The following LPA variants were observed in gnomAD, a reference collection of about 807,000 sequenced individuals.
LPA encodes lipoprotein(a), also known as apolipoprotein(a).
Under a neutral mutation model 197.9 loss-of-function variants are expected in LPA, and 199 were observed. The ratio of observed to expected loss-of-function variants is 1.01; its 90% CI spans 0.90 to 1.13. The LOEUF is 1.13. LPA is among the 50% of genes most tolerant of loss of function. The probability of loss-of-function intolerance (pLI) is 0.00; values close to 1 mark genes in which losing one functional copy is unlikely to be tolerated. For missense variants in LPA, 1,853 were observed against 1,785.8 expected (o/e 1.04, Z -0.68); for synonymous variants, 715 against 639.5 (o/e 1.12, Z -1.78).
rs1778097601 is a variant in LPA at position 160,547,841 on chromosome 6, C to T, written c.5252G>A (p.Arg1751Lys). 6.2e-7 allele frequency: 1 copy of T among 1,614,028 alleles called. No individual in the cohort carries two copies. Among genetic ancestry groups the T allele is most frequent in the Non-Finnish European group, 8.5e-7 (1 of 1,180,028 alleles). The change falls in exon 32 of 39, where the codon AGA (arginine) becomes AAA (lysine). Residue 1751 changes from arginine to lysine, a missense_variant. Coordinates refer to ENST00000316300, the MANE Select transcript of LPA (RefSeq NM_005577.4). ...CQEWAAQEPHRHSTFIPGTNK... is the reference protein window; with the variant it reads ...CQEWAAQEPHKHSTFIPGTNK... Reference sequence around the variant, plus strand: ...TGTCCCTGGAATGAACGTGCTGTGTCTATGGGGCTCCTGGGCAGCCCATTC... The same window carrying T: ...TGTCCCTGGAATGAACGTGCTGTGTTTATGGGGCTCCTGGGCAGCCCATTC...
chr6:160,567,050 C>T (rs1214725697), intron 28 of LPA, among the ~76,000 whole-genome samples: 1 of 152,184 alleles, frequency 6.6e-6, no homozygotes, highest in Non-Finnish European at 1.5e-5. Context: ...TAATGGGAGA[C>T]TTTAACACCC....
At chr6:160,603,133 C>T (rs1207616617) in intron 18 of LPA, among the ~76,000 whole-genome samples, 2 of 151,428 alleles carry the variant, frequency 1.3e-5, no homozygotes, top group East Asian at 1.9e-4. Context: ...ATCTCTCCTT[C>T]CTCTCCTTCT....
Position 160,535,096 on chromosome 6 carries a change from A to G in LPA, c.5843-2447T>C, listed in dbSNP as rs943585695. Among the ~76,000 whole-genome samples, 7 of 137,522 alleles carry G rather than the reference A, an allele frequency of 5.1e-5. No individual in the cohort carries two copies. The East Asian group carries it at 1.5e-3, about 30-fold the overall frequency. 90.2% of individuals were successfully genotyped at this position (137,522 alleles called of 152,430 possible). ...CAGTGATCATTGTGATGATGGTGAT[A>G]GTGATCATGGTGGTGGTGATGATGG... On this transcript the variant is annotated intron_variant, in intron 37 of 38. Transcript: ENST00000316300.
intron 21 of LPA, 147 bp from the exon 22 acceptor site, chr6:160,594,264 A>C: frequency 2.2e-6 from 2 of 919,764 alleles, no homozygotes; most frequent in Non-Finnish European, 3.3e-6. Flanking sequence ...CATACCAATA[A>C]TAAAACCCAA....
chr6:160,576,389 T>G (rs9346822), intron 28 of LPA, among the ~76,000 whole-genome samples: 4 of 70,492 alleles, frequency 5.7e-5, no homozygotes, highest in African/African-American at 2.1e-4. Flanking sequence ...TATATATATA[T>G]GTATATATAT....
chr6:160,537,999 A>C, intron 36 of LPA, 38 bp from the exon 37 acceptor site: 1 of 1,575,170 alleles, frequency 6.3e-7, no homozygotes, highest in Non-Finnish European at 8.7e-7. Flanking sequence ...TTCACTGCCC[A>C]GCTGGAAGTG....
At position 160,583,598 on chromosome 6, in the gene LPA, T is replaced by C. The variant is rs181954094; in HGVS notation, c.4289+1448A>G. ...TCCCCAGCAGTTGTTCTTTCCCCAG[T>C]AGCTGTTCTTTGTTCTCCTTTCTCT... On this transcript the variant is annotated intron_variant, in intron 26 of 38. Transcript: ENST00000316300. Among the ~76,000 whole-genome samples the C allele has an allele frequency of 3.4e-3, 517 of 152,274 alleles. 1 individual carries two copies. Among genetic ancestry groups the C allele is most frequent in the Non-Finnish European group, 5.4e-3 (364 of 68,014 alleles).
chr6:160,652,768 C>A (rs1161693740), intron 1 of LPA, among the ~76,000 whole-genome samples: 2 of 152,012 alleles, frequency 1.3e-5, no homozygotes. Context: ...AATAGCACAA[C>A]ATTTTGAGAG....
intron 20 of LPA, among the ~76,000 whole-genome samples, chr6:160,598,002 T>C (rs1379245851): frequency 1.3e-5 from 2 of 152,220 alleles, no homozygotes; most frequent in East Asian, 3.8e-4. Context: ...TGCTAGGTTT[T>C]TTCTGGAGCT....
At chr6:160,602,046 G>A (rs147827658) in intron 18 of LPA, among the ~76,000 whole-genome samples, 156 of 152,214 alleles carry the variant, frequency 1.0e-3, no homozygotes, top group South Asian at 2.5e-3. Context: ...CCTCCCATTC[G>A]TGACCTGTGG....
chr6:160,538,806 G>C (rs528719590), intron 36 of LPA, among the ~76,000 whole-genome samples: 1 of 152,252 alleles, frequency 6.6e-6, no homozygotes, highest in South Asian at 2.1e-4. Context: ...GGGATGTGCG[G>C]TGGGAACTCT....
intron 29 of LPA, 128 bp downstream of exon 29, chr6:160,557,262 A>G (rs959621866): frequency 7.2e-5 from 83 of 1,148,388 alleles, no homozygotes; most frequent in Admixed American, 2.0e-4. Flanking sequence ...GAGAGTGCTG[A>G]GGCTTCTTTC....
chr6:160,602,040 C>T (rs1779251195), intron 18 of LPA, among the ~76,000 whole-genome samples: 1 of 152,098 alleles, frequency 6.6e-6, no homozygotes, highest in Admixed American at 6.6e-5. Context: ...CAGAATCCTC[C>T]CATTCGTGAC....
At chr6:160,591,850 C>T (rs1335405252) in intron 22 of LPA, among the ~76,000 whole-genome samples, 8 of 152,218 alleles carry the variant, frequency 5.3e-5, no homozygotes, top group Non-Finnish European at 8.8e-5. Flanking sequence ...CATCCCCTTT[C>T]CTTGTGTCTT....
chr6:160,661,274 C>G (rs1582907771), intron 1 of LPA, among the ~76,000 whole-genome samples: 1 of 152,296 alleles, frequency 6.6e-6, no homozygotes, highest in Admixed American at 6.5e-5. Context: ...GTGGTGGGGG[C>G]CACATGCAGA....
At position 160,542,792 on chromosome 6, in the gene LPA, A is replaced by G. The variant is rs775888851; in HGVS notation, c.5415T>C (p.Asp1805=). The change falls in exon 34 of 39, where the codon GAT becomes GAC. Residue 1805 remains aspartate (D), a synonymous_variant. Transcript: ENST00000316300. The part of the protein sequence containing the change: ...DIPLCASSSF[D]CGKPQVEPKK... ...TCGGCTCCACTTGAGGCTTCCCACA[A>G]TCAAATGAAGAGGATGCTGTGGCAC... 3.7e-6 allele frequency: 6 copies of G among 1,614,112 alleles called. No homozygotes were observed. The highest frequency in any genetic ancestry group is 5.1e-6 in the Non-Finnish European group (6 of 1,179,974).
At chr6:160,581,288 T>C (rs1477561034) in intron 26 of LPA, among the ~76,000 whole-genome samples, 5 of 152,154 alleles carry the variant, frequency 3.3e-5, no homozygotes, top group African/African-American at 1.2e-4. Flanking sequence ...CCCAATACTA[T>C]GTATTTTTTG....
chr6:160,601,142 A>G, intron 18 of LPA, 44 bp from the exon 19 acceptor site: 1 of 1,565,790 alleles, frequency 6.4e-7, no homozygotes, highest in South Asian at 1.1e-5. Flanking sequence ...ATGGGTACAT[A>G]TGCAGGAACA....
rs1554242208 is a variant in LPA at position 160,643,083 on chromosome 6, A to AGATTGTGT, written c.551+1763_551+1764insACACAATC. 2.1e-4 allele frequency among the ~76,000 whole-genome samples: 27 copies of AGATTGTGT among 131,058 alleles called. No individual in the cohort carries two copies. In the Middle Eastern group the frequency reaches 0.013, roughly 65 times the overall value. 86.0% of individuals were successfully genotyped at this position (131,058 alleles called of 152,430 possible). Reference sequence around the variant, plus strand: ...TGTGTGTGAGTATGGGTGTGTTTTCAGTGTGTGTGTGTGTGTGTGTGTGTG... The same window carrying AGATTGTGT: ...TGTGTGTGAGTATGGGTGTGTTTTCAGATTGTGTGTGTGTGTGTGTGTGTGTGTGTGTG... On this transcript the variant is annotated intron_variant, in intron 4 of 38. Transcript: ENST00000316300.
Sources: allele counts gnomAD v4.1 joint callset (sites outside exome capture counted in the v4.1 genomes callset), GRCh38; gene constraint gnomAD v4.1.1; transcripts MANE v1.5; gene names NCBI Gene and HGNC (gene_info 2026-07-23, HGNC 2026-07-21).